The following RPH3A variants were observed in gnomAD, a reference collection of about 807,000 sequenced individuals.
RPH3A encodes rabphilin 3A.
A neutral mutation model predicts 102.2 loss-of-function variants in RPH3A; 48 were observed. The observed-to-expected ratio is 0.47, with a 90% CI of 0.37 to 0.60. RPH3A has a LOEUF of 0.60. Ranked by LOEUF, RPH3A falls within the 20% of genes least tolerant of loss-of-function variation. The pLI is 0.00. For missense variants in RPH3A, 781 were observed against 910.1 expected, an observed-to-expected ratio of 0.86 and a Z score of 1.83; for synonymous variants, 310 against 324.3, an observed-to-expected ratio of 0.96 and a Z score of 0.47.
chr12:112,600,669 C>T (rs1025341621), intron 1 of RPH3A, among the ~76,000 whole-genome samples: 3 of 152,034 alleles, frequency 2.0e-5, no homozygotes, highest in African/African-American at 4.8e-5. Context: ...AACTTTCCCA[C>T]GTCTTCCTTC....
intron 17 of RPH3A, among the ~76,000 whole-genome samples, chr12:112,888,442 G>A (rs1326537897): frequency 6.6e-6 from 1 of 152,236 alleles, no homozygotes; most frequent in Admixed American, 6.5e-5. Context: ...AAGTCAGAAA[G>A]CACCATGTAG....
At chr12:112,581,258 A>G (rs1251822130) in intron 1 of RPH3A, among the ~76,000 whole-genome samples, 2 of 152,152 alleles carry the variant, frequency 1.3e-5, no homozygotes, top group Non-Finnish European at 2.9e-5. Context: ...AGAGCAAGGG[A>G]CGTCTCACAT....
rs894925770 is a variant in RPH3A, at chr12:112,610,453, A to G, written c.-140+35134A>G. Among the ~76,000 whole-genome samples, 12 of 144,900 alleles carry G rather than the reference A, an allele frequency of 8.3e-5. No individual in the cohort carries two copies. In the Admixed American group the frequency reaches 8.4e-4, roughly 10 times the overall value. ...AGGAGGTGGAGGTTGCAGGGAGCAG[A>G]GGTTGCACTACTGCACTCCAGCCTG... On this transcript the variant is annotated intron_variant, in intron 1 of 21. Transcript: ENST00000543106.
At chr12:112,775,340 C>A (rs1182401444) in intron 1 of RPH3A, among the ~76,000 whole-genome samples, 1 of 152,066 alleles carries the variant, frequency 6.6e-6, no homozygotes, top group African/African-American at 2.4e-5. Context: ...TGCTAAGGAT[C>A]CATTCATCCA....
chr12:112,856,079 C>G lies in RPH3A; in HGVS notation c.230+8237C>G, dbSNP rs1396489504. ...GCTGCATCCCATCGGTTGGTGGAAC[C>G]CCAGCTTTTGGCCATTTCCTCTGCT... On this transcript the variant is annotated intron_variant, in intron 5 of 21. Coordinates refer to ENST00000389385, the MANE Select transcript of RPH3A (RefSeq NM_001143854.2). 2.6e-5 allele frequency among the ~76,000 whole-genome samples: 4 copies of G among 152,130 alleles called. No homozygotes were observed. The East Asian group carries it at 7.7e-4, about 29-fold the overall frequency.
intron 1 of RPH3A, among the ~76,000 whole-genome samples, chr12:112,666,815 C>T (rs779006268): frequency 1.3e-4 from 20 of 152,188 alleles, no homozygotes; most frequent in Non-Finnish European, 2.2e-4. Context: ...AACCACATTT[C>T]TGGAGCCCAA....
intron 1 of RPH3A, among the ~76,000 whole-genome samples, chr12:112,642,535 T>C (rs2039898064): frequency 6.6e-6 from 1 of 152,202 alleles, no homozygotes; most frequent in African/African-American, 2.4e-5. Flanking sequence ...TATCTGGCAA[T>C]TCTATACAAT....
rs577270594 is a variant in RPH3A, at chr12:112,767,996, C to A, written c.-139-24147C>A. 2.0e-5 allele frequency among the ~76,000 whole-genome samples: 3 copies of A among 152,120 alleles called. No individual in the cohort carries two copies. The South Asian group carries it at 6.2e-4, about 32-fold the overall frequency. On this transcript the variant is annotated intron_variant, in intron 1 of 21. Transcript: ENST00000543106. ...GAGTCACTGCTAATGGATATGGGGT[C>A]TCTTTTGGGGATGATACAATGCTCT...
intron 5 of RPH3A, among the ~76,000 whole-genome samples, chr12:112,863,612 C>T (rs552294818): frequency 5.9e-4 from 90 of 152,352 alleles, no homozygotes; most frequent in African/African-American, 2.1e-3. Flanking sequence ...AGCCACCATG[C>T]CCAGTTATGG....
At chr12:112,630,891 A>G (rs1489867496) in intron 1 of RPH3A, among the ~76,000 whole-genome samples, 1 of 152,090 alleles carries the variant, frequency 6.6e-6, no homozygotes, top group Non-Finnish European at 1.5e-5. Flanking sequence ...AGGTGAATAT[A>G]ATATAGTGGG....
At chr12:112,702,438 T>C (rs1048435729) in intron 1 of RPH3A, among the ~76,000 whole-genome samples, 3 of 152,158 alleles carry the variant, frequency 2.0e-5, no homozygotes, top group African/African-American at 7.2e-5. Flanking sequence ...GCCTGGATGG[T>C]CTGGTTTGAT....
chr12:112,700,447 G>A (rs891320240), intron 1 of RPH3A, among the ~76,000 whole-genome samples: 5 of 152,122 alleles, frequency 3.3e-5, no homozygotes, highest in African/African-American at 4.8e-5. Context: ...CTCCTAAGTC[G>A]GAAACTCCTC....
chr12:112,662,248 G>T (rs541436069), intron 1 of RPH3A, among the ~76,000 whole-genome samples: 1 of 152,244 alleles, frequency 6.6e-6, no homozygotes, highest in South Asian at 2.1e-4. Context: ...TCCCTGGCGT[G>T]TCTCCCATTT....
chr12:112,695,203 C>T (rs1293454593), intron 1 of RPH3A: 1 of 168,960 alleles, frequency 5.9e-6, no homozygotes, highest in Admixed American at 6.5e-5. Context: ...ATTTTGGCAA[C>T]CCTAATCCAT....
intron 1 of RPH3A, among the ~76,000 whole-genome samples, chr12:112,705,524 G>A (rs1055776436): frequency 6.6e-6 from 1 of 152,152 alleles, no homozygotes; most frequent in Non-Finnish European, 1.5e-5. Context: ...AGTTTTGTTT[G>A]TGTCCACTGC....
At chr12:112,713,945 G>A (rs1302718365) in intron 1 of RPH3A, among the ~76,000 whole-genome samples, 2 of 152,118 alleles carry the variant, frequency 1.3e-5, no homozygotes, top group African/African-American at 2.4e-5. Flanking sequence ...TTTATTAGGC[G>A]ACCATGGCCA....
chr12:112,802,713 C>A (rs1356894224), intron 2 of RPH3A, among the ~76,000 whole-genome samples: 2 of 151,950 alleles, frequency 1.3e-5, no homozygotes, highest in Admixed American at 6.6e-5. Context: ...ACTTCCCACT[C>A]TGTGTGGAGA....
chr12:112,798,605 C>T (rs2041279945), intron 2 of RPH3A, among the ~76,000 whole-genome samples: 1 of 152,144 alleles, frequency 6.6e-6, no homozygotes, highest in African/African-American at 2.4e-5. Context: ...AAGGTGCTGC[C>T]AAATGGCATC....
chr12:112,890,497 G>A (rs1015448709), intron 18 of RPH3A, among the ~76,000 whole-genome samples: 6 of 152,300 alleles, frequency 3.9e-5, no homozygotes, highest in African/African-American at 1.4e-4. Context: ...GTTGTGTTAA[G>A]GGAGTCTGAG....
Sources: allele counts gnomAD v4.1 joint callset (sites outside exome capture counted in the v4.1 genomes callset), GRCh38; gene constraint gnomAD v4.1.1; transcripts MANE v1.5; gene names NCBI Gene and HGNC (gene_info 2026-07-23, HGNC 2026-07-21).